MYT1L: variants seen among roughly 807,000 people sequenced by gnomAD.
MYT1L encodes myelin transcription factor 1-like protein.
In MYT1L, 12 loss-of-function variants were observed where a neutral mutation model predicts 126.7. The ratio of observed to expected loss-of-function variants is 0.09; its 90% CI spans 0.06 to 0.15. The LOEUF is 0.15. MYT1L is among the 10% of genes least tolerant of loss of function. MYT1L has a pLI of 1.00. For synonymous variants in MYT1L, 541 were observed against 604.2 expected (o/e 0.90, Z 1.53); for missense variants, 979 against 1,585.2 (o/e 0.62, Z 6.49).
At chr2:1,874,798 T>G (rs2046696901) in intron 18 of MYT1L, among the ~76,000 whole-genome samples, 1 of 152,212 alleles carries the variant, frequency 6.6e-6, no homozygotes, top group Non-Finnish European at 1.5e-5. Context: ...GGTGACATGC[T>G]GGCCTCAGCC....
At chr2:2,215,464 C>T (rs2093650568) in intron 2 of MYT1L, among the ~76,000 whole-genome samples, 1 of 152,086 alleles carries the variant, frequency 6.6e-6, no homozygotes, top group Non-Finnish European at 1.5e-5. Context: ...TCATTTAAAA[C>T]AATAAATTAA....
At chr2:1,990,841 T>C (rs1290872427) in intron 5 of MYT1L, among the ~76,000 whole-genome samples, 3 of 152,152 alleles carry the variant, frequency 2.0e-5, no homozygotes, top group East Asian at 3.9e-4. Flanking sequence ...GACAATACCA[T>C]GTGAAGAAGC....
At chr2:1,967,291 TG>T (rs1236924331) in intron 8 of MYT1L, among the ~76,000 whole-genome samples, 1 of 152,212 alleles carries the variant, frequency 6.6e-6, no homozygotes, top group Non-Finnish European at 1.5e-5. Context: ...AAAAGCCCCA[TG>T]GTTGGTGCCC....
intron 2 of MYT1L, among the ~76,000 whole-genome samples, chr2:2,277,697 C>T (rs1445687111): frequency 6.6e-6 from 1 of 151,986 alleles, no homozygotes; most frequent in Non-Finnish European, 1.5e-5. Context: ...AAGTTACTGC[C>T]CTTCAGGTGT....
At chr2:1,850,327 G>A (rs1195958001) in intron 19 of MYT1L, among the ~76,000 whole-genome samples, 2 of 151,354 alleles carry the variant, frequency 1.3e-5, no homozygotes, top group Admixed American at 6.6e-5. Context: ...TCTGGACTGC[G>A]TACTTTATAA....
intron 3 of MYT1L, among the ~76,000 whole-genome samples, chr2:2,124,835 C>A (rs2081482889): frequency 6.6e-6 from 1 of 152,164 alleles, no homozygotes; most frequent in African/African-American, 2.4e-5. Flanking sequence ...GACATGTCCA[C>A]CTGTGGCACA....
At chr2:2,186,238 G>T (rs1426600426) in intron 2 of MYT1L, among the ~76,000 whole-genome samples, 8 of 142,678 alleles carry the variant, frequency 5.6e-5, no homozygotes, top group Non-Finnish European at 1.0e-4. Context: ...TACGTGAGGG[G>T]GACGCAGCCA....
intron 2 of MYT1L, among the ~76,000 whole-genome samples, chr2:2,260,120 C>T (rs889853420): frequency 2.0e-5 from 3 of 152,094 alleles, no homozygotes; most frequent in Admixed American, 6.6e-5. Flanking sequence ...TCACCGAGCA[C>T]GGAGATTACA....
intron 4 of MYT1L, among the ~76,000 whole-genome samples, chr2:2,044,863 G>A (rs79363480): frequency 9.1e-4 from 138 of 152,304 alleles, no homozygotes; most frequent in African/African-American, 3.2e-3. Context: ...TGGGATGCAA[G>A]CCCTGTTATC....
At chr2:2,146,515 G>T (rs2084899825) in intron 3 of MYT1L, among the ~76,000 whole-genome samples, 1 of 152,210 alleles carries the variant, frequency 6.6e-6, no homozygotes, top group South Asian at 2.1e-4. Flanking sequence ...GCTGCTGTCT[G>T]CTTCTCAGCC....
chr2:2,202,311 C>CA (rs563584081), intron 2 of MYT1L, among the ~76,000 whole-genome samples: 60 of 152,146 alleles, frequency 3.9e-4, no homozygotes, highest in Non-Finnish European at 8.1e-4. Flanking sequence ...AAAAAACCTT[C>CA]AAAAAATCAA....
chr2:2,016,911 G>C (rs985343613), intron 4 of MYT1L, among the ~76,000 whole-genome samples: 4 of 152,212 alleles, frequency 2.6e-5, no homozygotes, highest in Non-Finnish European at 5.9e-5. Flanking sequence ...CATTTTCTTA[G>C]CATGAATTTC....
At chr2:2,266,839 C>T (rs1290269059) in intron 2 of MYT1L, among the ~76,000 whole-genome samples, 2 of 152,242 alleles carry the variant, frequency 1.3e-5, no homozygotes, top group Non-Finnish European at 2.9e-5. Context: ...CTCTTGTCTG[C>T]TGTCATGTAA....
At chr2:1,905,514 C>T (rs938339712) in intron 13 of MYT1L, among the ~76,000 whole-genome samples, 1 of 151,780 alleles carries the variant, frequency 6.6e-6, no homozygotes, top group Non-Finnish European at 1.5e-5. Context: ...CCACCATGCC[C>T]AGCTAATTTT....
Position 2,295,711 on chromosome 2 carries a change from GAC to G in MYT1L, c.-520-11210_-520-11209del, listed in dbSNP as rs1424358310. Among the ~76,000 whole-genome samples, 90 of 129,810 alleles carry G rather than the reference GAC, an allele frequency of 6.9e-4. 1 individual carries two copies. The highest frequency in any genetic ancestry group is 9.7e-4 in the Non-Finnish European group (58 of 59,592). The allele number at this position is 129,810 out of a possible 152,430, so 85.2% of individuals were successfully genotyped here. On this transcript the variant is annotated intron_variant, in intron 1 of 24. Coordinates refer to ENST00000647738, the MANE Select transcript of MYT1L (RefSeq NM_001303052.2). ...AGAGAGAGAGAGAGAGAGACAGACA[GAC>G]AGAGAGAGAGATAGAGAGACAGACA...
intron 3 of MYT1L, among the ~76,000 whole-genome samples, chr2:2,085,668 G>C (rs912452765): frequency 3.3e-5 from 5 of 152,048 alleles, no homozygotes; most frequent in African/African-American, 1.2e-4. Context: ...TTCATTCATT[G>C]CCTGGAACAT....
intron 9 of MYT1L, 48 bp from the exon 10 acceptor site, chr2:1,923,311 G>T (rs1282523560): frequency 1.1e-5 from 17 of 1,478,794 alleles, no homozygotes; most frequent in African/African-American, 1.4e-5. Flanking sequence ...AGGAAAAAGT[G>T]GCTAGAACTG....
Position 2,109,389 on chromosome 2 carries a change from C to T in MYT1L, c.-303-55266G>A, listed in dbSNP as rs986497307. Among the ~76,000 whole-genome samples the T allele has an allele frequency of 3.3e-5, 5 of 151,954 alleles. No individual in the cohort carries two copies. The East Asian group carries it at 5.8e-4, about 18-fold the overall frequency. ...ATCCAGAGCTTCTGTTAGAGAACAG[C>T]GTGGGAAGGGGAGCCGGATGGGCGC... On this transcript the variant is annotated intron_variant, in intron 3 of 24. Transcript: ENST00000647738.
At chr2:1,915,782 C>T (rs2052733920) in intron 11 of MYT1L, among the ~76,000 whole-genome samples, 1 of 152,162 alleles carries the variant, frequency 6.6e-6, no homozygotes, top group African/African-American at 2.4e-5. Context: ...TTAGTACCTG[C>T]TCAGATTTGT....
Sources: gnomAD v4.1 joint callset for allele counts (sites outside exome capture counted in the v4.1 genomes callset) on GRCh38, gnomAD v4.1.1 for gene constraint, MANE v1.5 for transcripts, NCBI Gene and HGNC (gene_info 2026-07-23, HGNC 2026-07-21) for gene names.